Variants in GRIA2 observed in about 807,000 individuals in gnomAD.
GRIA2 encodes the protein glutamate ionotropic receptor AMPA type subunit 2.
A neutral mutation model predicts 97.3 loss-of-function variants in GRIA2; 14 were observed. The ratio of observed to expected loss-of-function variants is 0.14; its 90% confidence interval spans 0.10 to 0.23. The LOEUF is 0.23. Among genes scored for constraint, GRIA2 ranks in the 10% least tolerant of loss-of-function variants. The probability of loss-of-function intolerance (pLI) is 1.00; values close to 1 mark genes in which losing one functional copy is unlikely to be tolerated. For missense variants in GRIA2, 558 were observed against 1,069.8 expected, an observed-to-expected ratio of 0.52 and a Z score of 6.67; for synonymous variants, 412 against 387.8, an observed-to-expected ratio of 1.06 and a Z score of -0.73.
intron 5 of GRIA2, among the ~76,000 whole-genome samples, chr4:157,319,206 A>G (rs1734449314): frequency 1.3e-5 from 2 of 152,220 alleles, no homozygotes; most frequent in Non-Finnish European, 2.9e-5. Context: ...TGTGCAGGAA[A>G]CAGCCTGGAC....
At chr4:157,221,525 CG>C in intron 1 of GRIA2, 141 bp from the exon 2 acceptor site, 2 of 839,840 alleles carry the variant, frequency 2.4e-6, no homozygotes, top group East Asian at 2.5e-5. Flanking sequence ...ATTCCACCCC[CG>C]CTGTCCGAGT....
intron 2 of GRIA2, among the ~76,000 whole-genome samples, chr4:157,299,622 G>T (rs1374278201): frequency 6.6e-6 from 1 of 152,122 alleles, no homozygotes; most frequent in African/African-American, 2.4e-5. Flanking sequence ...AAGAGAAAAA[G>T]ATGTGTTGGA....
At chr4:157,298,383 A>G (rs563174212) in intron 2 of GRIA2, among the ~76,000 whole-genome samples, 2 of 152,270 alleles carry the variant, frequency 1.3e-5, no homozygotes, top group South Asian at 2.1e-4. Flanking sequence ...TGACATGCAT[A>G]GGACAAGAAA....
intron 2 of GRIA2, among the ~76,000 whole-genome samples, chr4:157,273,963 A>G (rs1442557682): frequency 6.6e-6 from 1 of 152,128 alleles, no homozygotes; most frequent in African/African-American, 2.4e-5. Context: ...AGATATGTAA[A>G]TAAACATACA....
chr4:157,262,516 C>T (rs774375980), intron 2 of GRIA2, among the ~76,000 whole-genome samples: 5 of 152,018 alleles, frequency 3.3e-5, no homozygotes, highest in Admixed American at 2.6e-4. Flanking sequence ...CTGGCAATCA[C>T]CTCTTAGACT....
At chr4:157,246,012 A>C (rs1730716069) in intron 2 of GRIA2, among the ~76,000 whole-genome samples, 1 of 152,038 alleles carries the variant, frequency 6.6e-6, no homozygotes, top group African/African-American at 2.4e-5. Flanking sequence ...GATAAAAAAA[A>C]CAAACTGAAA....
chr4:157,270,832 G>T (rs1227976995), intron 2 of GRIA2, among the ~76,000 whole-genome samples: 1 of 151,978 alleles, frequency 6.6e-6, no homozygotes, highest in African/African-American at 2.4e-5. Flanking sequence ...GCCGTCTGTA[G>T]TGTAGTGAGA....
rs534399525 is a variant in GRIA2 at position 157,261,271 on chromosome 4, T to A, written c.229+39464T>A. 1.1e-4 allele frequency among the ~76,000 whole-genome samples: 16 copies of A among 152,258 alleles called. No individual in the cohort carries two copies. In the East Asian group the frequency reaches 3.1e-3, roughly 29 times the overall value. On this transcript the variant is annotated intron_variant, in intron 2 of 15. Transcript: ENST00000264426. Reference sequence around the variant, plus strand: ...ATATCAACATTTAACATATATTTTTTAAATCTTTGTATTCAGAATATGAGT... The same window carrying A: ...ATATCAACATTTAACATATATTTTTAAAATCTTTGTATTCAGAATATGAGT...
chr4:157,249,026 A>G (rs554681248), intron 2 of GRIA2, among the ~76,000 whole-genome samples: 31 of 151,956 alleles, frequency 2.0e-4, no homozygotes, highest in Admixed American at 7.2e-4. Flanking sequence ...TTTTGTAAAC[A>G]TGAAGTCTAT....
chr4:157,339,377 A>G (rs192649987), intron 11 of GRIA2, among the ~76,000 whole-genome samples: 17 of 152,120 alleles, frequency 1.1e-4, no homozygotes, highest in African/African-American at 3.9e-4. Context: ...GTCTGTCACC[A>G]TAAAATAATA....
intron 12 of GRIA2, among the ~76,000 whole-genome samples, chr4:157,353,552 T>C (rs1310211565): frequency 6.7e-6 from 1 of 150,210 alleles, no homozygotes; most frequent in Non-Finnish European, 1.5e-5. Flanking sequence ...GGTGGGCGCC[T>C]GTAGTCCCAG....
chr4:157,247,849 G>A (rs1399209618), intron 2 of GRIA2, among the ~76,000 whole-genome samples: 1 of 152,044 alleles, frequency 6.6e-6, no homozygotes, highest in Non-Finnish European at 1.5e-5. Flanking sequence ...GGCAGAAGGG[G>A]CGTCACCATG....
intron 2 of GRIA2, among the ~76,000 whole-genome samples, chr4:157,278,799 A>T (rs908234165): frequency 6.6e-6 from 1 of 152,124 alleles, no homozygotes; most frequent in Non-Finnish European, 1.5e-5. Context: ...GAATAAAAAA[A>T]AATAGACAAA....
At chr4:157,337,881 A>G (rs1735358564) in intron 11 of GRIA2, among the ~76,000 whole-genome samples, 1 of 150,942 alleles carries the variant, frequency 6.6e-6, no homozygotes, top group Admixed American at 6.6e-5. Context: ...TTACATTTTT[A>G]TGAATTATAC....
intron 4 of GRIA2, among the ~76,000 whole-genome samples, chr4:157,315,795 T>G (rs2126892827): frequency 6.6e-6 from 1 of 152,302 alleles, no homozygotes; most frequent in South Asian, 2.1e-4. Flanking sequence ...CGCCTTGGCC[T>G]CCCAAAGTGC....
chr4:157,350,427 G>T (rs1039105184), intron 12 of GRIA2, among the ~76,000 whole-genome samples: 1 of 151,808 alleles, frequency 6.6e-6, no homozygotes, highest in East Asian at 1.9e-4. Context: ...AATAGATTTT[G>T]GGGGAACAGG....
intron 2 of GRIA2, among the ~76,000 whole-genome samples, chr4:157,296,251 T>C (rs1733344626): frequency 6.6e-6 from 1 of 152,170 alleles, no homozygotes; most frequent in Non-Finnish European, 1.5e-5. Context: ...ATAGGTAATT[T>C]TAAACTAACA....
chr4:157,336,451 C>T lies in GRIA2; in HGVS notation c.1548C>T (p.Phe516=). The part of the protein sequence containing the change: ...REEVIDFSKP[F]MSLGISIMIK... Reference sequence around the variant, plus strand: ...AGGTGATTGACTTCTCAAAGCCCTTCATGAGCCTCGGGATATCTATCATGA... The same window carrying T: ...AGGTGATTGACTTCTCAAAGCCCTTTATGAGCCTCGGGATATCTATCATGA... Residue 516 remains phenylalanine, a synonymous_variant, in exon 11 of 16, where the codon TTC becomes TTT. Coordinates refer to ENST00000264426, the MANE Select transcript of GRIA2 (RefSeq NM_001083619.3). The T allele has an allele frequency of 1.2e-6, 2 of 1,612,060 alleles. No homozygotes were observed. The highest frequency in any genetic ancestry group is 2.2e-5 in the East Asian group (1 of 44,834).
At chr4:157,270,879 A>C (rs891177871) in intron 2 of GRIA2, among the ~76,000 whole-genome samples, 5 of 151,732 alleles carry the variant, frequency 3.3e-5, no homozygotes, top group African/African-American at 1.2e-4. Flanking sequence ...CTCTCAATTC[A>C]GTTGCTGGGT....
Sources: allele counts gnomAD v4.1 joint callset (sites outside exome capture counted in the v4.1 genomes callset), GRCh38; gene constraint gnomAD v4.1.1; transcripts MANE v1.5; gene names NCBI Gene and HGNC (gene_info 2026-07-23, HGNC 2026-07-21).